CRPPA: variants seen among roughly 807,000 people sequenced by gnomAD.
CRPPA encodes D-ribitol-5-phosphate cytidylyltransferase.
CRPPA carries 43 observed loss-of-function variants against 52.0 expected under a neutral mutation model. The ratio of observed to expected loss-of-function variants is 0.83; its 90% confidence interval spans 0.65 to 1.07. The LOEUF (loss-of-function observed/expected upper bound fraction) is 1.07. Among genes scored for constraint, CRPPA ranks in the 50% least tolerant of loss-of-function variants. The probability of loss-of-function intolerance (pLI) is 0.00; values close to 1 mark genes in which losing one functional copy is unlikely to be tolerated. For missense variants in CRPPA, 629 were observed against 551.7 expected, an observed-to-expected ratio of 1.14 and a Z score of -1.40; for synonymous variants, 250 against 203.5, an observed-to-expected ratio of 1.23 and a Z score of -1.94.
chr7:16,101,194 T>A (rs1157128954), intron 9 of CRPPA, among the ~76,000 whole-genome samples: 2 of 152,134 alleles, frequency 1.3e-5, no homozygotes, highest in Non-Finnish European at 2.9e-5. Context: ...GAATCTCTCT[T>A]TTTCTATTGT....
At chr7:16,145,191 C>T (rs1373803114) in intron 9 of CRPPA, among the ~76,000 whole-genome samples, 4 of 152,258 alleles carry the variant, frequency 2.6e-5, no homozygotes, top group Non-Finnish European at 5.9e-5. Context: ...AGGGACATGC[C>T]CAGGCAGAAG....
rs111724538 is a variant in CRPPA, at chr7:16,400,469, C to T, written c.534+5592G>A. ...CAACACTTGTGTGACACATGACCGA[C>T]ACCTGATTGACCCATGACCAACATG... On this transcript the variant is annotated intron_variant, in intron 2 of 9. Coordinates refer to ENST00000407010, the MANE Select transcript of CRPPA (RefSeq NM_001101426.4). Among the ~76,000 whole-genome samples, 1,045 of 152,320 alleles carry T rather than the reference C, an allele frequency of 6.9e-3. 12 individuals are homozygous for T. Among genetic ancestry groups the T allele is most frequent in the African/African-American group, 0.024 (1,012 of 41,568 alleles).
chr7:16,128,690 G>T (rs887509678), intron 9 of CRPPA, among the ~76,000 whole-genome samples: 4 of 152,132 alleles, frequency 2.6e-5, no homozygotes, highest in African/African-American at 4.8e-5. Flanking sequence ...TTTCCAAGTT[G>T]TTGGCCAGAT....
intron 8 of CRPPA, among the ~76,000 whole-genome samples, chr7:16,221,431 C>T (rs1311449646): frequency 6.6e-6 from 1 of 152,132 alleles, no homozygotes; most frequent in Non-Finnish European, 1.5e-5. Flanking sequence ...CAACAAAAGC[C>T]AAAATTGACA....
At chr7:16,366,885 C>T (rs537254407) in intron 3 of CRPPA, among the ~76,000 whole-genome samples, 6 of 151,660 alleles carry the variant, frequency 4.0e-5, no homozygotes, top group Non-Finnish European at 7.4e-5. Flanking sequence ...CCAAGATTGT[C>T]AATTTACTTC....
intron 8 of CRPPA, among the ~76,000 whole-genome samples, chr7:16,222,296 C>T (rs12216566): frequency 4.5e-5 from 5 of 110,400 alleles, no homozygotes; most frequent in Non-Finnish European, 7.2e-5. Context: ...GACTGTGTTG[C>T]GGTGGGGGGA....
chr7:16,400,301 G>T (rs926785497), intron 2 of CRPPA, among the ~76,000 whole-genome samples: 3 of 152,194 alleles, frequency 2.0e-5, no homozygotes, highest in African/African-American at 7.2e-5. Flanking sequence ...ATGAGACACG[G>T]AACATGATTG....
chr7:16,231,154 G>A (rs1324126658), intron 8 of CRPPA, among the ~76,000 whole-genome samples: 2 of 152,120 alleles, frequency 1.3e-5, no homozygotes. Context: ...AGTGAACAAT[G>A]TCTCTTCCCT....
At chr7:16,298,030 C>T (rs930196091) in intron 5 of CRPPA, among the ~76,000 whole-genome samples, 1 of 152,094 alleles carries the variant, frequency 6.6e-6, no homozygotes, top group African/African-American at 2.4e-5. Flanking sequence ...ATGCTATATG[C>T]TCTGTTATAT....
intron 1 of CRPPA, among the ~76,000 whole-genome samples, chr7:16,414,007 A>C (rs1788130219): frequency 1.3e-5 from 2 of 152,234 alleles, no homozygotes; most frequent in Non-Finnish European, 2.9e-5. Context: ...CACAACTATC[A>C]TAAGGTCTAG....
At position 16,421,070 on chromosome 7, in the gene CRPPA, C is replaced by T; in HGVS notation, c.253G>A (p.Glu85Lys). 1 of 1,281,388 alleles carries T rather than the reference C, an allele frequency of 7.8e-7. No individual in the cohort carries two copies. Among genetic ancestry groups the T allele is most frequent in the Non-Finnish European group, 9.9e-7 (1 of 1,007,042 alleles). The allele number at this position is 1,281,388 out of a possible 1,614,324, so 79.4% of individuals were successfully genotyped here. ...PLISYTLQALERVCWIKDIVV... is the reference protein window; with the variant it reads ...PLISYTLQALKRVCWIKDIVV... The stretch of plus-strand genomic sequence containing the variant: ...GCGCGCCCGGCGCCGCATTACCTCT[C>T]CAGGGCCTGTAGGGTGTAGCTGATG... The change falls in exon 1 of 10, where the codon GAG (glutamate) becomes AAG (lysine). Residue 85 changes from glutamate (E) to lysine (K), a missense_variant. Glu to Lys is a moderately conservative substitution (Grantham distance 56, BLOSUM62 1). Transcript: ENST00000407010.
intron 3 of CRPPA, among the ~76,000 whole-genome samples, chr7:16,315,879 C>T (rs147300331): frequency 2.6e-5 from 4 of 152,230 alleles, no homozygotes; most frequent in Non-Finnish European, 5.9e-5. Context: ...TTTCTGTAGT[C>T]ACCTGTCTGT....
chr7:16,190,980 T>C (rs1272174779), intron 9 of CRPPA, among the ~76,000 whole-genome samples: 1 of 152,146 alleles, frequency 6.6e-6, no homozygotes, highest in African/African-American at 2.4e-5. Flanking sequence ...TTCCATGGTA[T>C]GTATGTGTGT....
chr7:16,201,996 G>C (rs944197550), intron 9 of CRPPA, among the ~76,000 whole-genome samples: 1 of 152,110 alleles, frequency 6.6e-6, no homozygotes, highest in Non-Finnish European at 1.5e-5. Flanking sequence ...TTTGATGTTA[G>C]ATTTAGATTT....
intron 8 of CRPPA, among the ~76,000 whole-genome samples, chr7:16,218,894 G>A (rs1159214642): frequency 2.0e-5 from 3 of 151,464 alleles, no homozygotes; most frequent in Non-Finnish European, 4.4e-5. Flanking sequence ...GAGACAGAAA[G>A]TCAACAAGGA....
At chr7:16,219,775 A>G (rs1782447692) in intron 8 of CRPPA, among the ~76,000 whole-genome samples, 1 of 132,190 alleles carries the variant, frequency 7.6e-6, no homozygotes, top group Non-Finnish European at 1.7e-5. Flanking sequence ...GACCAATAAC[A>G]GGAGCTGAAA....
chr7:16,156,672 T>C (rs539067059), intron 9 of CRPPA, among the ~76,000 whole-genome samples: 1 of 152,298 alleles, frequency 6.6e-6, no homozygotes, highest in Admixed American at 6.5e-5. Context: ...ATGCTGAATA[T>C]TTTCACCTCC....
At chr7:16,241,971 T>TTTGGGGGG (rs1783123848) in intron 8 of CRPPA, among the ~76,000 whole-genome samples, 2 of 86,162 alleles carry the variant, frequency 2.3e-5, no homozygotes. Context: ...TTTTTTTTGT[T>TTTGGGGGG]GGGGGGAGAT....
At chr7:16,369,252 G>T (rs1786686012) in intron 3 of CRPPA, among the ~76,000 whole-genome samples, 1 of 152,174 alleles carries the variant, frequency 6.6e-6, no homozygotes, top group African/African-American at 2.4e-5. Flanking sequence ...TGAAAGGGTC[G>T]TGACTGATTT....
Sources: gnomAD v4.1 joint callset for allele counts (sites outside exome capture counted in the v4.1 genomes callset) on GRCh38, gnomAD v4.1.1 for gene constraint, MANE v1.5 for transcripts, NCBI Gene and HGNC (gene_info 2026-07-23, HGNC 2026-07-21) for gene names.